LRRC8C: variants seen among roughly 807,000 people sequenced by gnomAD.
LRRC8C encodes the protein volume-regulated anion channel subunit LRRC8C.
A neutral mutation model predicts 55.3 loss-of-function variants in LRRC8C; 20 were observed. The ratio of observed to expected loss-of-function variants is 0.36; its 90% CI spans 0.25 to 0.53. The LOEUF (loss-of-function observed/expected upper bound fraction) is 0.53, where lower values mean the gene tolerates loss of function less well. Among genes scored for constraint, LRRC8C ranks in the 20% least tolerant of loss-of-function variants. The pLI is 0.92. For synonymous variants in LRRC8C, 376 were observed against 360.7 expected (o/e 1.04, Z -0.48); for missense variants, 659 against 951.4 (o/e 0.69, Z 4.04).
At chr1:89,694,680 C>T (rs979209224) in intron 2 of LRRC8C, among the ~76,000 whole-genome samples, 2 of 150,060 alleles carry the variant, frequency 1.3e-5, no homozygotes, top group African/African-American at 2.5e-5. Flanking sequence ...CTCCACTTCC[C>T]GGGTTCAAGT....
chr1:89,704,347 T>A (rs1382656323), intron 2 of LRRC8C, among the ~76,000 whole-genome samples: 1 of 152,162 alleles, frequency 6.6e-6, no homozygotes, highest in Non-Finnish European at 1.5e-5. Flanking sequence ...TACATGCATG[T>A]CATCATGGGA....
rs941583807 is a variant in LRRC8C, at chr1:89,717,830, C to G, written c.*2848C>G. Reference sequence around the variant, plus strand: ...AAGTGCTCTTTCTAAAAAGGAATAACTATTATAGCTCTATTTCCCCAATCT... The same window carrying G: ...AAGTGCTCTTTCTAAAAAGGAATAAGTATTATAGCTCTATTTCCCCAATCT... On this transcript the variant is annotated 3_prime_UTR_variant, in exon 3 of 3. Transcript: ENST00000370454. The G allele has an allele frequency of 2.6e-5, 4 of 152,162 alleles. No individual in the cohort carries two copies. The highest frequency in any genetic ancestry group is 4.4e-5 in the Non-Finnish European group (3 of 68,008). The allele number at this position is 152,162 out of a possible 1,614,324, so 9.4% of individuals were successfully genotyped here.
chr1:89,679,894 C>T (rs962880701), intron 1 of LRRC8C, among the ~76,000 whole-genome samples: 7 of 152,162 alleles, frequency 4.6e-5, no homozygotes, highest in African/African-American at 1.7e-4. Flanking sequence ...TGGAATCACA[C>T]TAGAATAAGT....
intron 2 of LRRC8C, among the ~76,000 whole-genome samples, chr1:89,712,032 A>T (rs1658662648): frequency 6.6e-6 from 1 of 152,234 alleles, no homozygotes; most frequent in Non-Finnish European, 1.5e-5. Context: ...ATCTTTGAGG[A>T]CATCTAACTC....
In LRRC8C at chr1:89,712,813, G is replaced by A; in HGVS notation, c.243G>A (p.Leu81=). Residue 81 remains leucine (L), a synonymous_variant, in exon 3 of 3, where the codon CTG becomes CTA. Transcript: ENST00000370454. Reference sequence around the variant, plus strand: ...AAGCAGTTGCCAGTACCACTCCACTGCCTCCACCTAAACCATCTCCTGCTA... The same window carrying A: ...AAGCAGTTGCCAGTACCACTCCACTACCTCCACCTAAACCATCTCCTGCTA... ...VSQAVASTTP[L]PPPKPSPANP... 6.2e-7 allele frequency: 1 copy of A among 1,614,076 alleles called. No individual in the cohort carries two copies.
At chr1:89,706,266 A>G (rs1658480117) in intron 2 of LRRC8C, 1 of 455,386 alleles carries the variant, frequency 2.2e-6, no homozygotes, top group Non-Finnish European at 4.4e-6. Flanking sequence ...TGTAATAGAT[A>G]AGCTGCCTTC....
rs893322503 is a variant in LRRC8C at position 89,665,708 on chromosome 1, T to A, written c.-4-20762T>A. On this transcript the variant is annotated intron_variant, in intron 1 of 2. Transcript: ENST00000370454. ...TTGTTGAAGAAAGAAAAATTTTTTTTATAAATTTAGTGTAGCCTAGGTGTA... is the reference window on the plus strand; with the variant it reads ...TTGTTGAAGAAAGAAAAATTTTTTTAATAAATTTAGTGTAGCCTAGGTGTA... 6.6e-5 allele frequency among the ~76,000 whole-genome samples: 10 copies of A among 152,300 alleles called. No homozygotes were observed. In the East Asian group the frequency reaches 9.6e-4, roughly 15 times the overall value.
intron 2 of LRRC8C, among the ~76,000 whole-genome samples, chr1:89,694,092 T>A (rs776374594): frequency 3.9e-5 from 6 of 152,102 alleles, no homozygotes; most frequent in Non-Finnish European, 8.8e-5. Flanking sequence ...GGGATGGTAG[T>A]GAATGGTGTG....
chr1:89,665,863 A>ATACAGG (rs1657245320), intron 1 of LRRC8C, among the ~76,000 whole-genome samples: 1 of 152,176 alleles, frequency 6.6e-6, no homozygotes, highest in Non-Finnish European at 1.5e-5. Flanking sequence ...TAAGTACCCT[A>ATACAGG]TACAGGTGTA....
intron 2 of LRRC8C, among the ~76,000 whole-genome samples, chr1:89,690,669 C>T (rs949332926): frequency 5.9e-5 from 9 of 152,142 alleles, no homozygotes; most frequent in Non-Finnish European, 8.8e-5. Flanking sequence ...GATGTGCCTG[C>T]GGTAAGTTCA....
chr1:89,635,325 G>A (rs1656249124), intron 1 of LRRC8C, among the ~76,000 whole-genome samples: 3 of 152,030 alleles, frequency 2.0e-5, no homozygotes, highest in Admixed American at 1.3e-4. Context: ...ATGAAATGAG[G>A]TGGAAACTAT....
At chr1:89,671,356 A>G (rs1657409720) in intron 1 of LRRC8C, among the ~76,000 whole-genome samples, 1 of 149,972 alleles carries the variant, frequency 6.7e-6, no homozygotes, top group African/African-American at 2.5e-5. Flanking sequence ...GGGAAGAAAA[A>G]GAGAAAAGTG....
intron 1 of LRRC8C, among the ~76,000 whole-genome samples, chr1:89,650,560 A>G (rs1458108481): frequency 2.6e-5 from 4 of 151,956 alleles, no homozygotes; most frequent in African/African-American, 9.7e-5. Flanking sequence ...ATTATTCAGT[A>G]TTACATTGAA....
intron 2 of LRRC8C, among the ~76,000 whole-genome samples, chr1:89,701,300 C>T (rs1658315757): frequency 6.6e-6 from 1 of 151,984 alleles, no homozygotes; most frequent in African/African-American, 2.4e-5. Context: ...CACGGTGAAA[C>T]CCTGTCTCTA....
At chr1:89,709,380 A>G (rs528326652) in intron 2 of LRRC8C, among the ~76,000 whole-genome samples, 1 of 152,218 alleles carries the variant, frequency 6.6e-6, no homozygotes, top group African/African-American at 2.4e-5. Context: ...AGCTAATTAG[A>G]CATTTTTGTG....
At chr1:89,687,260 G>T (rs963665048) in intron 2 of LRRC8C, among the ~76,000 whole-genome samples, 1 of 152,172 alleles carries the variant, frequency 6.6e-6, no homozygotes, top group African/African-American at 2.4e-5. Context: ...TGTCCATAAG[G>T]CACTAAGGGA....
intron 1 of LRRC8C, among the ~76,000 whole-genome samples, chr1:89,675,035 A>G (rs1657515251): frequency 6.6e-6 from 1 of 152,198 alleles, no homozygotes; most frequent in Non-Finnish European, 1.5e-5. Context: ...AAGTTGCTTT[A>G]GCTTCCTTGT....
Position 89,717,390 on chromosome 1 carries a change from C to G in LRRC8C, c.*2408C>G, listed in dbSNP as rs1658858341. ...TCTCATATGGGTTCATAACCGAGGT[C>G]ACTAATAATTCATTTTTATCACTTG... On this transcript the variant is annotated 3_prime_UTR_variant, in exon 3 of 3. Coordinates refer to ENST00000370454, the MANE Select transcript of LRRC8C (RefSeq NM_032270.5). 5 of 152,064 alleles carry G rather than the reference C, an allele frequency of 3.3e-5. No homozygotes were observed. The South Asian group carries it at 1.0e-3, about 31-fold the overall frequency. 9.4% of individuals were successfully genotyped at this position (152,064 alleles called of 1,614,324 possible).
intron 1 of LRRC8C, among the ~76,000 whole-genome samples, chr1:89,634,691 C>A (rs1472911513): frequency 6.6e-6 from 1 of 152,148 alleles, no homozygotes; most frequent in African/African-American, 2.4e-5. Context: ...GTAATCTGAG[C>A]TGCATAAAAC....
Sources: gnomAD v4.1 joint callset for allele counts (sites outside exome capture counted in the v4.1 genomes callset) on GRCh38, gnomAD v4.1.1 for gene constraint, MANE v1.5 for transcripts, NCBI Gene and HGNC (gene_info 2026-07-23, HGNC 2026-07-21) for gene names.